FBXW7: variants seen among roughly 807,000 people sequenced by gnomAD.
FBXW7 encodes F-box and WD repeat domain containing 7, also known as F-box/WD repeat-containing protein 7.
A neutral mutation model predicts 86.3 loss-of-function variants in FBXW7; 11 were observed. The ratio of observed to expected loss-of-function variants is 0.13; its 90% confidence interval spans 0.08 to 0.21. The LOEUF is 0.21. FBXW7 is among the 10% of genes least tolerant of loss of function. FBXW7 has a pLI of 1.00. For synonymous variants in FBXW7, 313 were observed against 297.9 expected, an observed-to-expected ratio of 1.05 and a Z score of -0.52; for missense variants, 488 against 847.4, an observed-to-expected ratio of 0.58 and a Z score of 5.27.
At chr4:152,370,555 T>A (rs1733919836) in intron 4 of FBXW7, among the ~76,000 whole-genome samples, 1 of 152,002 alleles carries the variant, frequency 6.6e-6, no homozygotes, top group Admixed American at 6.6e-5. Context: ...AAAATTAATG[T>A]TTCAAGTTAA....
chr4:152,384,576 GA>G (rs998764530), intron 4 of FBXW7, among the ~76,000 whole-genome samples: 1 of 151,946 alleles, frequency 6.6e-6, no homozygotes, highest in African/African-American at 2.4e-5. Context: ...AGGAGAAAAT[GA>G]AAATATTCTG....
intron 4 of FBXW7, among the ~76,000 whole-genome samples, chr4:152,351,043 C>A (rs999544077): frequency 5.3e-5 from 8 of 151,838 alleles, no homozygotes; most frequent in African/African-American, 1.9e-4. Flanking sequence ...TTTCAACAAC[C>A]CCTTTTTAAG....
intron 7 of FBXW7, among the ~76,000 whole-genome samples, chr4:152,333,645 G>A (rs1046456733): frequency 2.0e-5 from 3 of 152,016 alleles, no homozygotes; most frequent in Admixed American, 6.6e-5. Context: ...TAAATTATCC[G>A]TTAAAGGGTC....
intron 2 of FBXW7, among the ~76,000 whole-genome samples, chr4:152,524,820 G>T (rs73863129): frequency 0.039 from 5,943 of 152,082 alleles, 389 homozygotes; most frequent in African/African-American, 0.13. Context: ...GTATTTATCC[G>T]CAGGGGGGAA....
At chr4:152,324,622 A>C in intron 12 of FBXW7, 1 of 453,192 alleles carries the variant, frequency 2.2e-6, no homozygotes, top group Non-Finnish European at 4.0e-6. Flanking sequence ...TATGCCAAGC[A>C]GCTTCAAACT....
At chr4:152,455,102 T>C (rs554717843) in intron 2 of FBXW7, among the ~76,000 whole-genome samples, 11 of 152,176 alleles carry the variant, frequency 7.2e-5, no homozygotes, top group Non-Finnish European at 1.5e-4. Context: ...ATCTCAAGAA[T>C]ATAGTCCACT....
chr4:152,516,306 C>T (rs1240336616), intron 2 of FBXW7, among the ~76,000 whole-genome samples: 2 of 152,200 alleles, frequency 1.3e-5, no homozygotes, highest in Non-Finnish European at 2.9e-5. Context: ...GCCTGAGCTC[C>T]GCCTCCTGTC....
At chr4:152,433,853 T>C (rs1475320591) in intron 2 of FBXW7, among the ~76,000 whole-genome samples, 1 of 152,240 alleles carries the variant, frequency 6.6e-6, no homozygotes, top group African/African-American at 2.4e-5. Flanking sequence ...GACTATTTTC[T>C]AGGAAATGGA....
intron 4 of FBXW7, among the ~76,000 whole-genome samples, chr4:152,387,110 G>A (rs908314901): frequency 6.6e-6 from 1 of 152,100 alleles, no homozygotes; most frequent in African/African-American, 2.4e-5. Flanking sequence ...CTCAGAAGAT[G>A]TAAATCTCCC....
At chr4:152,498,500 T>C (rs1445751076) in intron 2 of FBXW7, among the ~76,000 whole-genome samples, 4 of 152,274 alleles carry the variant, frequency 2.6e-5, no homozygotes, top group Admixed American at 2.6e-4. Flanking sequence ...CATCACTATA[T>C]ATTATGAGGG....
intron 2 of FBXW7, among the ~76,000 whole-genome samples, chr4:152,421,544 A>G (rs750807655): frequency 1.5e-4 from 23 of 152,124 alleles, no homozygotes; most frequent in Non-Finnish European, 1.5e-4. Context: ...CTTTTTAAAC[A>G]TACGAAAAAG....
At chr4:152,390,850 G>T (rs1411168573) in intron 4 of FBXW7, among the ~76,000 whole-genome samples, 1 of 151,690 alleles carries the variant, frequency 6.6e-6, no homozygotes, top group Non-Finnish European at 1.5e-5. Context: ...GTAAGTAATT[G>T]TGTGTTTTTT....
At chr4:152,323,287 T>TC in intron 13 of FBXW7, 138 bp from the exon 14 acceptor site, 1 of 1,037,746 alleles carries the variant, frequency 9.6e-7, no homozygotes, top group Admixed American at 2.8e-5. Flanking sequence ...GAAACCCATG[T>TC]CCTCAGTATT....
At chr4:152,465,573 G>A (rs956682480) in intron 2 of FBXW7, among the ~76,000 whole-genome samples, 14 of 151,976 alleles carry the variant, frequency 9.2e-5, no homozygotes, top group African/African-American at 2.4e-4. Flanking sequence ...GGCCAGGCGC[G>A]GTGGCTCATG....
chr4:152,507,824 G>A (rs1747564215), intron 2 of FBXW7, among the ~76,000 whole-genome samples: 1 of 152,100 alleles, frequency 6.6e-6, no homozygotes. Context: ...GACCAAGGTG[G>A]GAGGACTGCT....
intron 2 of FBXW7, among the ~76,000 whole-genome samples, chr4:152,429,996 T>C (rs1739747018): frequency 6.6e-6 from 1 of 152,292 alleles, no homozygotes; most frequent in South Asian, 2.1e-4. Flanking sequence ...TGTTATTGAA[T>C]GAGTACTCTA....
chr4:152,438,320 T>C, intron 2 of FBXW7, among the ~76,000 whole-genome samples: 1 of 152,220 alleles, frequency 6.6e-6, no homozygotes, highest in Non-Finnish European at 1.5e-5. Flanking sequence ...ACTAACTTTA[T>C]TATGATATTT....
At chr4:152,527,865 T>TAC (rs149379203) in intron 2 of FBXW7, among the ~76,000 whole-genome samples, 46,997 of 137,046 alleles carry the variant, frequency 0.34, 8,334 homozygotes, top group Non-Finnish European at 0.43. Flanking sequence ...AAAAATTATA[T>TAC]ACACACACAC....
At chr4:152,466,100 A>C (rs943705290) in intron 2 of FBXW7, among the ~76,000 whole-genome samples, 5 of 152,212 alleles carry the variant, frequency 3.3e-5, no homozygotes, top group African/African-American at 4.8e-5. Flanking sequence ...TTACACAGAA[A>C]GCTAATGCTT....
Sources: allele counts gnomAD v4.1 joint callset (sites outside exome capture counted in the v4.1 genomes callset), GRCh38; gene constraint gnomAD v4.1.1; transcripts MANE v1.5; gene names NCBI Gene and HGNC (gene_info 2026-07-23, HGNC 2026-07-21).